The following CTU2 variants were observed in gnomAD, a reference collection of about 807,000 sequenced individuals.
CTU2 encodes the protein cytosolic thiouridylase subunit 2.
Under a neutral mutation model 64.1 loss-of-function variants are expected in CTU2, and 80 were observed. That is an observed-to-expected ratio of 1.25 (90% CI 1.04 to 1.50). The LOEUF (loss-of-function observed/expected upper bound fraction) is 1.50. Among genes scored for constraint, CTU2 ranks in the 40% most tolerant of loss-of-function variants. CTU2 has a pLI of 0.00. For synonymous variants in CTU2, 482 were observed against 285.3 expected (o/e 1.69, Z -6.95); for missense variants, 1,110 against 690.2 (o/e 1.61, Z -6.81).
intron 6 of CTU2, 39 bp downstream of exon 6, chr16:88,712,422 C>T (rs755744477): frequency 6.5e-7 from 1 of 1,528,636 alleles, no homozygotes; most frequent in Non-Finnish European, 8.9e-7. Context: ...CCGGAGGTGA[C>T]CCCTGGGGGG....
intron 1 of CTU2, 146 bp from the exon 2 acceptor site, chr16:88,706,990 A>T: frequency 1.3e-6 from 1 of 752,582 alleles, no homozygotes. Flanking sequence ...TTTGGACAGA[A>T]CACAAGCCTG....
Position 88,714,160 on chromosome 16 carries a change from CGGCTGATGGAGGCCTTCATCCTCA to C in CTU2, c.1036_1059del (p.Met346_Leu353del). Reference sequence around the variant, plus strand: ...GGCCCCTGAAAAGGCCAGCATCCACCGGCTGATGGAGGCCTTCATCCTCAGGCTGCAGACCCAGTTCCCCTCCAC... The same window carrying C: ...GGCCCCTGAAAAGGCCAGCATCCACCGGCTGCAGACCCAGTTCCCCTCCAC... On this transcript the variant is annotated inframe_deletion, in exon 10 of 15. Transcript: ENST00000453996. The C allele has an allele frequency of 6.2e-7, 1 of 1,612,738 alleles. No homozygotes were observed. Among genetic ancestry groups the C allele is most frequent in the Non-Finnish European group, 8.5e-7 (1 of 1,179,896 alleles).
chr16:88,715,021 G>GC (rs1911828987), intron 13 of CTU2, 27 bp from the exon 14 acceptor site: 1 of 1,581,266 alleles, frequency 6.3e-7, no homozygotes, highest in Non-Finnish European at 8.6e-7. Flanking sequence ...AGGTTTCTTG[G>GC]CCCCTCGACA....
intron 10 of CTU2, 35 bp from the exon 11 acceptor site, chr16:88,714,348 G>A (rs1206408229): frequency 6.2e-7 from 1 of 1,610,332 alleles, no homozygotes; most frequent in East Asian, 2.2e-5. Context: ...CCCAGCCCGT[G>A]TGATTCACCT....
rs1324533847 is a variant in CTU2, at chr16:88,714,439, G to T, written c.1154G>T (p.Gly385Val). 1.2e-6 allele frequency: 2 copies of T among 1,612,428 alleles called. No homozygotes were observed. Among genetic ancestry groups the T allele is most frequent in the Non-Finnish European group, 1.7e-6 (2 of 1,179,836 alleles). The change falls in exon 11 of 15, where the codon GGC becomes GTC. Residue 385 changes from glycine (G) to valine (V), a missense_variant. Coordinates refer to ENST00000453996, the MANE Select transcript of CTU2 (RefSeq NM_001012759.3). ...GATGGCCCTGCTGCTGGCGACTCCG[G>T]CCCCCGCTGCCTCCTCTGCATGTGT... is the stretch of plus-strand genomic sequence containing the variant. ...PRDGPAAGDSGPRCLLCMCAL... is the reference protein window; with the variant it reads ...PRDGPAAGDSVPRCLLCMCAL...
In CTU2 at chr16:88,714,389, T is replaced by A. The variant is rs899126271; in HGVS notation, c.1104T>A (p.Ser368Arg). The A allele has an allele frequency of 1.2e-6, 2 of 1,611,730 alleles. No individual in the cohort carries two copies. Among genetic ancestry groups the A allele is most frequent in the East Asian group, 4.5e-5 (2 of 44,882 alleles). Residue 368 changes from serine (S) to arginine (R), a missense_variant, in exon 11 of 15, where the codon AGT becomes AGA. Physicochemically the swap from Ser to Arg is moderately radical, Grantham distance 110. Coordinates refer to ENST00000453996, the MANE Select transcript of CTU2 (RefSeq NM_001012759.3). ...TCCCACAATCCGGCCACAGGACAAG[T>A]GAGAAGCTGGTGAAGGGCCCCCGGG... ...PSTVSTVYRT[S>R]EKLVKGPRDG...
rs1198866623 is a variant in CTU2, at chr16:88,713,293, G to A, written c.738-19G>A. The A allele has an allele frequency of 3.3e-6, 5 of 1,517,554 alleles. No homozygotes were observed. The highest frequency in any genetic ancestry group is 2.7e-5 in the East Asian group (1 of 36,448). The allele number at this position is 1,517,554 out of a possible 1,614,324, so 94.0% of individuals were successfully genotyped here. ...CGGGTCCTGCACCCCCCAGGCCCCT[G>A]AGACGCTCTGTGCTTTAGGACCCAC... On this transcript the variant is annotated intron_variant, in intron 7 of 14. Coordinates refer to ENST00000453996, the MANE Select transcript of CTU2 (RefSeq NM_001012759.3).
chr16:88,713,472 G>A (rs999185713), intron 8 of CTU2, 25 bp downstream of exon 8: 2 of 1,565,080 alleles, frequency 1.3e-6, no homozygotes, highest in Non-Finnish European at 1.7e-6. Context: ...GGGTGTTCAG[G>A]AGGCCCATCC....
Position 88,712,765 on chromosome 16 carries a change from G to A in CTU2, c.597G>A (p.Gly199=). 3 of 1,608,620 alleles carry A rather than the reference G, an allele frequency of 1.9e-6. No individual in the cohort carries two copies. The South Asian group carries it at 3.3e-5, about 18-fold the overall frequency. ...GGGGTGGTCCTGGCCCGACTCAAGG[G>A]GAGGAACAGCCACCCCAGCCCCCGC... ...GAGGGPGPTQ[G]EEQPPQPPLD... The change falls in exon 7 of 15, where the codon GGG becomes GGA. Residue 199 remains glycine, a synonymous_variant. Transcript: ENST00000453996.
intron 5 of CTU2, 89 bp downstream of exon 5, chr16:88,711,784 C>A: frequency 1.6e-6 from 2 of 1,241,700 alleles, no homozygotes; most frequent in Non-Finnish European, 2.3e-6. Flanking sequence ...CCCTCTGGTG[C>A]CGGTCCTCCC....
At chr16:88,706,755 C>G (rs529919447) in intron 1 of CTU2, 157 bp downstream of exon 1, 275 of 552,250 alleles carry the variant, frequency 5.0e-4, no homozygotes, top group African/African-American at 4.7e-3. Flanking sequence ...CGGTGACGGC[C>G]ACCTAGAAGG....
At position 88,713,315 on chromosome 16, in the gene CTU2, C is replaced by T. The variant is rs1236295010; in HGVS notation, c.741C>T (p.Thr247=). The T allele has an allele frequency of 6.3e-7, 1 of 1,597,292 alleles. No homozygotes were observed. The highest frequency in any genetic ancestry group is 1.7e-5 in the Admixed American group (1 of 58,654). ...CCTGAGACGCTCTGTGCTTTAGGAC[C>T]CACCTGATCCTCCACATGGCCCGAG... The part of the protein sequence containing the change: ...AKEELLQTLR[T]HLILHMARAH... Residue 247 remains threonine (T), a synonymous_variant, in exon 8 of 15, where the codon ACC becomes ACT. Transcript: ENST00000453996.
intron 5 of CTU2, chr16:88,711,987 A>G (rs936575896): frequency 1.6e-6 from 1 of 610,242 alleles, no homozygotes; most frequent in Non-Finnish European, 2.9e-6. Flanking sequence ...GGGTCTGGGG[A>G]CAAAGAAGGG....
rs768121894 is a variant in CTU2 at position 88,715,077 on chromosome 16, C to A, written c.1449C>A (p.Ile483=). Residue 483 remains isoleucine, a synonymous_variant, in exon 14 of 15, where the codon ATC becomes ATA. Transcript: ENST00000453996. ...CACTGGACCCCCTGCCGCCGTACAT[C>A]CTGGCTGAGGCCCAGCTCCGCACAC... is the stretch of plus-strand genomic sequence containing the variant. ...LPSLDPLPPY[I]LAEAQLRTQR... The A allele has an allele frequency of 1.3e-5, 20 of 1,575,830 alleles. No homozygotes were observed. The highest frequency in any genetic ancestry group is 1.6e-5 in the Non-Finnish European group (19 of 1,159,488).
intron 10 of CTU2, 76 bp from the exon 11 acceptor site, chr16:88,714,307 C>G (rs1368182201): frequency 4.4e-6 from 7 of 1,598,240 alleles, no homozygotes; most frequent in Admixed American, 3.3e-5. Flanking sequence ...GAGCTCACCA[C>G]TCGTGCTCAG....
chr16:88,709,864 A>G, intron 2 of CTU2, 74 bp from the exon 3 acceptor site: 1 of 1,250,322 alleles, frequency 8.0e-7, no homozygotes, highest in Middle Eastern at 1.9e-4. Flanking sequence ...GGACGTCGTC[A>G]CCTGGCAGCG....
rs1911529922 is a variant in CTU2, at chr16:88,713,415, C to G, written c.841C>G (p.Leu281Val). 1 of 1,599,948 alleles carries G rather than the reference C, an allele frequency of 6.3e-7. No homozygotes were observed. Among genetic ancestry groups the G allele is most frequent in the Non-Finnish European group, 8.5e-7 (1 of 1,175,684 alleles). ...LAIKLMTNLA[L>V]GRGAFLAWDT... is the part of the protein sequence containing the mutation. ...TATCAAGCTCATGACCAACCTGGCG[C>G]TGGGTCGAGGGGCCTTCCTGGCCTG... The change falls in exon 8 of 15, where the codon CTG (leucine) becomes GTG (valine). Residue 281 changes from leucine to valine, a missense_variant. Transcript: ENST00000453996.
At chr16:88,712,019 GC>G (rs11361741) in intron 5 of CTU2, 428,455 of 572,558 alleles carry the variant, frequency 0.75, 145,587 homozygotes, top group East Asian at 0.91. Context: ...CTGATGGTGA[GC>G]GGGGGCCCAG....
intron 8 of CTU2, 28 bp downstream of exon 8, chr16:88,713,475 G>A (rs1388970916): frequency 6.4e-7 from 1 of 1,563,520 alleles, no homozygotes; most frequent in Non-Finnish European, 8.6e-7. Context: ...TGTTCAGGAG[G>A]CCCATCCTCA....
Sources: gnomAD v4.1 joint callset for allele counts on GRCh38, gnomAD v4.1.1 for gene constraint, MANE v1.5 for transcripts, NCBI Gene and HGNC (gene_info 2026-07-23, HGNC 2026-07-21) for gene names.